The following ZNF804B variants were observed in gnomAD, a reference collection of about 807,000 sequenced individuals.
ZNF804B encodes zinc finger 804B.
In ZNF804B, 80 loss-of-function variants were observed where a neutral mutation model predicts 101.4. The ratio of observed to expected loss-of-function variants is 0.79; its 90% CI spans 0.66 to 0.95. The LOEUF is 0.95. Among genes scored for constraint, ZNF804B ranks in the 40% least tolerant of loss-of-function variants. The pLI, the probability that ZNF804B is intolerant of heterozygous loss-of-function variation, is 0.00. For synonymous variants in ZNF804B, 622 were observed against 558.8 expected (o/e 1.11, Z -1.59); for missense variants, 1,673 against 1,561.9 (o/e 1.07, Z -1.20).
At chr7:89,103,752 A>C (rs981737460) in intron 1 of ZNF804B, among the ~76,000 whole-genome samples, 1 of 151,952 alleles carries the variant, frequency 6.6e-6, no homozygotes, top group Non-Finnish European at 1.5e-5. Context: ...TCTGGCTAGG[A>C]CTTCCATTAT....
intron 1 of ZNF804B, among the ~76,000 whole-genome samples, chr7:88,979,048 G>A (rs1453633150): frequency 1.3e-5 from 2 of 151,850 alleles, no homozygotes; most frequent in East Asian, 3.9e-4. Flanking sequence ...GACCAAACAT[G>A]CAAGAGAAAG....
intron 1 of ZNF804B, among the ~76,000 whole-genome samples, chr7:89,035,943 T>C (rs1788919941): frequency 6.9e-6 from 1 of 145,164 alleles, no homozygotes; most frequent in Non-Finnish European, 1.5e-5. Flanking sequence ...TATTATATTA[T>C]ATATTTATAT....
At chr7:89,207,902 G>A (rs928173837) in intron 1 of ZNF804B, among the ~76,000 whole-genome samples, 14 of 151,974 alleles carry the variant, frequency 9.2e-5, no homozygotes, top group Admixed American at 5.9e-4. Flanking sequence ...GGCTTAATAT[G>A]CATATTTTTT....
chr7:89,291,660 A>G (rs1790293979), intron 2 of ZNF804B, among the ~76,000 whole-genome samples: 2 of 152,276 alleles, frequency 1.3e-5, no homozygotes, highest in African/African-American at 4.8e-5. Context: ...GGCAAGTCTA[A>G]AAGTGATTGG....
chr7:89,071,611 A>T lies in ZNF804B; in HGVS notation c.109-146544A>T, dbSNP rs141189040. On this transcript the variant is annotated intron_variant, in intron 1 of 3. Transcript: ENST00000333190. ...TCACTAACTTATAGCCTATTTTCTGACTCATTCAATTACAATGTTCTTGTT... is the reference window on the plus strand; with the variant it reads ...TCACTAACTTATAGCCTATTTTCTGTCTCATTCAATTACAATGTTCTTGTT... Among the ~76,000 whole-genome samples, 89 of 152,198 alleles carry T rather than the reference A, an allele frequency of 5.8e-4. No individual in the cohort carries two copies. The East Asian group carries it at 8.1e-3, about 14-fold the overall frequency.
At chr7:89,200,610 T>G (rs1474380720) in intron 1 of ZNF804B, among the ~76,000 whole-genome samples, 1 of 152,040 alleles carries the variant, frequency 6.6e-6, no homozygotes, top group Non-Finnish European at 1.5e-5. Flanking sequence ...CTTTCAAGTT[T>G]CTACCAATAA....
intron 1 of ZNF804B, among the ~76,000 whole-genome samples, chr7:88,964,385 A>G (rs1793427834): frequency 6.6e-6 from 1 of 151,512 alleles, no homozygotes; most frequent in Non-Finnish European, 1.5e-5. Flanking sequence ...AACATGGGTG[A>G]ACCTGGAAAA....
intron 1 of ZNF804B, among the ~76,000 whole-genome samples, chr7:89,215,440 A>G (rs1331360978): frequency 6.6e-6 from 1 of 152,110 alleles, no homozygotes; most frequent in Non-Finnish European, 1.5e-5. Flanking sequence ...ATATAAAAAT[A>G]CATTTTTAGC....
At chr7:88,920,042 C>A (rs183000643) in intron 1 of ZNF804B, among the ~76,000 whole-genome samples, 1 of 151,908 alleles carries the variant, frequency 6.6e-6, no homozygotes, top group Non-Finnish European at 1.5e-5. Context: ...AATTCAGGTA[C>A]AGTAAAGTAT....
chr7:88,922,626 T>TATATAC lies in ZNF804B; in HGVS notation c.108+162543_108+162544insTATACA, dbSNP rs57940902. On this transcript the variant is annotated intron_variant, in intron 1 of 3. Coordinates refer to ENST00000333190, the MANE Select transcript of ZNF804B (RefSeq NM_181646.5). Reference sequence around the variant, plus strand: ...TTACAGATACATATATATATATATATACACACACACTTTTTCTAATTAGCC... The same window carrying TATATAC: ...TTACAGATACATATATATATATATATATATACACACACACACTTTTTCTAATTAGCC... Among the ~76,000 whole-genome samples, 208 of 84,092 alleles carry TATATAC rather than the reference T, an allele frequency of 2.5e-3. 1 individual carries two copies. Among genetic ancestry groups the TATATAC allele is most frequent in the African/African-American group, 8.5e-3 (200 of 23,640 alleles). The allele number at this position is 84,092 out of a possible 152,430, so 55.2% of individuals were successfully genotyped here.
intron 2 of ZNF804B, 118 bp downstream of exon 2, chr7:89,218,413 CT>C (rs1207865235): frequency 3.3e-5 from 40 of 1,208,120 alleles, no homozygotes; most frequent in South Asian, 1.1e-4. Flanking sequence ...CATTTTATGT[CT>C]TTTTTCCCCC....
At chr7:89,021,282 C>A (rs1788663156) in intron 1 of ZNF804B, among the ~76,000 whole-genome samples, 2 of 152,118 alleles carry the variant, frequency 1.3e-5, no homozygotes, top group African/African-American at 4.8e-5. Context: ...TATATGGTGG[C>A]AATGCTGTGG....
At chr7:89,055,646 T>C (rs1474458172) in intron 1 of ZNF804B, among the ~76,000 whole-genome samples, 1 of 152,094 alleles carries the variant, frequency 6.6e-6, no homozygotes, top group Admixed American at 6.6e-5. Context: ...GCTTCCTTTG[T>C]CCAGTGAAAA....
intron 1 of ZNF804B, among the ~76,000 whole-genome samples, chr7:88,953,661 G>T (rs1050409882): frequency 6.6e-6 from 1 of 151,582 alleles, no homozygotes; most frequent in Non-Finnish European, 1.5e-5. Context: ...TTATCTGTTT[G>T]CATGAATGTG....
intron 1 of ZNF804B, among the ~76,000 whole-genome samples, chr7:88,974,108 C>G (rs1052913598): frequency 6.6e-6 from 1 of 151,186 alleles, no homozygotes; most frequent in Non-Finnish European, 1.5e-5. Flanking sequence ...TATAGGGATT[C>G]CCGAAGTGGC....
chr7:89,220,034 C>CATATATATGTATAT (rs1788970037), intron 2 of ZNF804B, among the ~76,000 whole-genome samples: 1 of 116,556 alleles, frequency 8.6e-6, no homozygotes, highest in African/African-American at 3.4e-5. Context: ...TATATATACG[C>CATATATATGTATAT]ACATATATGT....
At chr7:88,853,399 C>A (rs146301743) in intron 1 of ZNF804B, among the ~76,000 whole-genome samples, 11 of 152,170 alleles carry the variant, frequency 7.2e-5, no homozygotes, top group African/African-American at 2.6e-4. Context: ...GTCAAGGCTC[C>A]ATAAAATCTT....
chr7:88,857,834 T>C lies in ZNF804B; in HGVS notation c.108+97750T>C, dbSNP rs1045614203. Among the ~76,000 whole-genome samples, 9 of 129,646 alleles carry C rather than the reference T, an allele frequency of 6.9e-5. No individual in the cohort carries two copies. In the South Asian group the frequency reaches 1.4e-3, roughly 20 times the overall value. The allele number at this position is 129,646 out of a possible 152,430, so 85.1% of individuals were successfully genotyped here. A position where few individuals can be genotyped will look rare whatever the true frequency, so the allele number is the denominator to read the frequency against. On this transcript the variant is annotated intron_variant, in intron 1 of 3. Transcript: ENST00000333190. ...TTTCCTTTCTTTTCTTTTTTTTTTT[T>C]TTTTTTTTTTTTTTTTTGTCACTGC...
At chr7:89,136,363 T>C (rs756902065) in intron 1 of ZNF804B, among the ~76,000 whole-genome samples, 2 of 152,086 alleles carry the variant, frequency 1.3e-5, no homozygotes, top group African/African-American at 2.4e-5. Flanking sequence ...TGATAAAATA[T>C]GAATAATATA....
Sources: gnomAD v4.1 joint callset for allele counts (sites outside exome capture counted in the v4.1 genomes callset) on GRCh38, gnomAD v4.1.1 for gene constraint, MANE v1.5 for transcripts, NCBI Gene and HGNC (gene_info 2026-07-23, HGNC 2026-07-21) for gene names.